CDC42SE2: variants seen among roughly 807,000 people sequenced by gnomAD.
The protein encoded by CDC42SE2 is CDC42 small effector 2.
In CDC42SE2, 3 loss-of-function variants were observed where a neutral mutation model predicts 11.5. The observed-to-expected ratio is 0.26, with a 90% CI of 0.12 to 0.67. CDC42SE2 has a LOEUF of 0.67. Among genes scored for constraint, CDC42SE2 ranks in the 30% least tolerant of loss-of-function variants. The pLI, the probability that CDC42SE2 is intolerant of heterozygous loss-of-function variation, is 0.80. For synonymous variants in CDC42SE2, 33 were observed against 34.8 expected, an observed-to-expected ratio of 0.95 and a Z score of 0.18; for missense variants, 82 against 106.8, an observed-to-expected ratio of 0.77 and a Z score of 1.02.
the CDC42SE2 span, among the ~76,000 whole-genome samples, chr5:131,211,488 A>G: frequency 6.6e-6 from 1 of 151,772 alleles, no homozygotes; most frequent in African/African-American, 2.4e-5. Context: ...CATGGTCAAT[A>G]CTCCTCTTTG....
At chr5:131,273,633 C>T (rs556134742) in intron 1 of CDC42SE2, among the ~76,000 whole-genome samples, 1 of 151,320 alleles carries the variant, frequency 6.6e-6, no homozygotes, top group Admixed American at 6.6e-5. Context: ...ATTAGCCAGG[C>T]GTGGCGGCTG....
upstream of CDC42SE2, among the ~76,000 whole-genome samples, chr5:131,241,218 TC>T (rs1756538789): frequency 2.6e-5 from 4 of 152,130 alleles, no homozygotes; most frequent in African/African-American, 7.2e-5. Flanking sequence ...GACCTCGGCC[TC>T]CCAAAGTGCT....
intron 2 of CDC42SE2, among the ~76,000 whole-genome samples, chr5:131,350,807 A>G (rs1295904248): frequency 6.6e-6 from 1 of 152,162 alleles, no homozygotes; most frequent in African/African-American, 2.4e-5. Flanking sequence ...GCAATTTTGA[A>G]AAAGAGTATA....
chr5:131,374,625 G>T (rs1427061596), intron 3 of CDC42SE2, among the ~76,000 whole-genome samples: 1 of 150,946 alleles, frequency 6.6e-6, no homozygotes, highest in Non-Finnish European at 1.5e-5. Context: ...AGCAATTCCA[G>T]TGCAAAGTGT....
chr5:131,325,484 G>GTT (rs34758151), intron 2 of CDC42SE2, among the ~76,000 whole-genome samples: 62 of 142,916 alleles, frequency 4.3e-4, no homozygotes, highest in Non-Finnish European at 6.3e-4. Context: ...CCATTAAGTG[G>GTT]TTTTTTTTTT....
At chr5:131,324,089 GT>G (rs746367443) in intron 2 of CDC42SE2, among the ~76,000 whole-genome samples, 1 of 152,120 alleles carries the variant, frequency 6.6e-6, no homozygotes, top group Non-Finnish European at 1.5e-5. Context: ...CTGACTTGAA[GT>G]TTCTGAAATT....
At chr5:131,259,818 T>C (rs763252829), upstream of CDC42SE2, among the ~76,000 whole-genome samples, 2 of 152,280 alleles carry the variant, frequency 1.3e-5, no homozygotes, top group African/African-American at 2.4e-5. Flanking sequence ...ACTGTAAAGC[T>C]GTGTTAAGTT....
the CDC42SE2 span, among the ~76,000 whole-genome samples, chr5:131,235,330 G>C: frequency 6.8e-6 from 1 of 147,784 alleles, no homozygotes; most frequent in Non-Finnish European, 1.5e-5. Flanking sequence ...TCGCTCTGTA[G>C]CCAGGCTGGA....
At chr5:131,276,720 C>G (rs1004691436) in intron 1 of CDC42SE2, among the ~76,000 whole-genome samples, 1 of 133,822 alleles carries the variant, frequency 7.5e-6, no homozygotes, top group Non-Finnish European at 1.6e-5. Context: ...ATAAACATGA[C>G]CATTAGAATT....
At chr5:131,336,483 T>C (rs933280148) in intron 2 of CDC42SE2, among the ~76,000 whole-genome samples, 4 of 152,162 alleles carry the variant, frequency 2.6e-5, no homozygotes, top group Non-Finnish European at 4.4e-5. Context: ...ATCTTTGTGG[T>C]GTTCTCTGTA....
At chr5:131,312,928 A>T (rs1757959508) in intron 1 of CDC42SE2, among the ~76,000 whole-genome samples, 1 of 151,732 alleles carries the variant, frequency 6.6e-6, no homozygotes, top group African/African-American at 2.4e-5. Flanking sequence ...GGATCTGTAG[A>T]CGGGAGCTGT....
chr5:131,312,230 G>T (rs1007093409), intron 1 of CDC42SE2, among the ~76,000 whole-genome samples: 19 of 151,838 alleles, frequency 1.3e-4, no homozygotes, highest in Non-Finnish European at 2.2e-4. Flanking sequence ...GCCCCTGCTG[G>T]GGGGTGCCTC....
chr5:131,321,179 T>C (rs773006552), intron 2 of CDC42SE2, among the ~76,000 whole-genome samples: 15 of 152,236 alleles, frequency 9.9e-5, no homozygotes, highest in Non-Finnish European at 2.1e-4. Flanking sequence ...ATTTATCTTA[T>C]GGTTAAATTC....
chr5:131,384,682 ATC>A (rs149367669), intron 3 of CDC42SE2, among the ~76,000 whole-genome samples: 1,620 of 152,232 alleles, frequency 0.011, 12 homozygotes, highest in Non-Finnish European at 0.016. Flanking sequence ...GTCAGGAAAT[ATC>A]TCTAAGGGGT....
intron 3 of CDC42SE2, among the ~76,000 whole-genome samples, chr5:131,379,974 T>C (rs1486620828): frequency 1.3e-5 from 2 of 151,936 alleles, no homozygotes; most frequent in African/African-American, 4.8e-5. Context: ...AGTGCAGTGG[T>C]GTGATCTCGG....
At chr5:131,347,701 G>A (rs1258061259) in intron 2 of CDC42SE2, among the ~76,000 whole-genome samples, 2 of 152,056 alleles carry the variant, frequency 1.3e-5, no homozygotes, top group African/African-American at 4.8e-5. Context: ...AACAAAAAAA[G>A]AGAATTTTAG....
At chr5:131,346,391 C>A (rs1383774985) in intron 2 of CDC42SE2, among the ~76,000 whole-genome samples, 1 of 152,090 alleles carries the variant, frequency 6.6e-6, no homozygotes, top group Non-Finnish European at 1.5e-5. Context: ...CAACAAAGAT[C>A]AAAAGAGACA....
chr5:131,265,274 T>G (rs1756835786), intron 1 of CDC42SE2, among the ~76,000 whole-genome samples: 1 of 152,202 alleles, frequency 6.6e-6, no homozygotes. Flanking sequence ...TTTCTGTTTC[T>G]TAAAAACAGG....
chr5:131,232,734 CAAA>C, the CDC42SE2 span, among the ~76,000 whole-genome samples: 1,148 of 42,132 alleles, frequency 0.027, 6 homozygotes, highest in African/African-American at 0.11. Flanking sequence ...GACTCGGTCT[CAAA>C]AAAAAAAAAA....
Sources: gnomAD v4.1 joint callset for allele counts (sites outside exome capture counted in the v4.1 genomes callset) on GRCh38, gnomAD v4.1.1 for gene constraint, MANE v1.5 for transcripts, NCBI Gene and HGNC (gene_info 2026-07-23, HGNC 2026-07-21) for gene names.